Variants in CSNK2A2IP observed in about 807,000 individuals in gnomAD.
CSNK2A2IP encodes the protein casein kinase 2 subunit alpha' interacting protein, also known as casein kinase II subunit alpha'-interacting protein.
chr3:88,395,836 T>G, the CSNK2A2IP span, among the ~76,000 whole-genome samples: 2 of 152,220 alleles, frequency 1.3e-5, no homozygotes, highest in African/African-American at 4.8e-5. Flanking sequence ...AGTATACTCC[T>G]GTTTCACATT....
At chr3:88,457,250 G>C in the CSNK2A2IP span, among the ~76,000 whole-genome samples, 1 of 151,968 alleles carries the variant, frequency 6.6e-6, no homozygotes, top group Admixed American at 6.6e-5. Context: ...GTCAAATTTG[G>C]TCTTGTCTGG....
At chr3:88,397,884 C>T in the CSNK2A2IP span, among the ~76,000 whole-genome samples, 1 of 151,926 alleles carries the variant, frequency 6.6e-6, no homozygotes, top group Admixed American at 6.5e-5. Flanking sequence ...TGTTCATTCC[C>T]CTTCTAGGTG....
At chr3:88,437,527 A>G in the CSNK2A2IP span, among the ~76,000 whole-genome samples, 1 of 152,208 alleles carries the variant, frequency 6.6e-6, no homozygotes, top group Non-Finnish European at 1.5e-5. Context: ...ATATTATTGT[A>G]AAACTATTCT....
At chr3:88,414,285 T>A in the CSNK2A2IP span, among the ~76,000 whole-genome samples, 1 of 125,728 alleles carries the variant, frequency 8.0e-6, no homozygotes, top group Non-Finnish European at 1.7e-5. Context: ...TTTTTTTTTT[T>A]TTTTTTTTTT....
chr3:88,436,646 T>C, the CSNK2A2IP span, among the ~76,000 whole-genome samples: 1 of 152,136 alleles, frequency 6.6e-6, no homozygotes, highest in Non-Finnish European at 1.5e-5. Context: ...AAAGCAGCAC[T>C]GGACTGTTTG....
the CSNK2A2IP span, among the ~76,000 whole-genome samples, chr3:88,458,141 GTTTTTTTTTTTTTTT>G: frequency 1.2e-5 from 1 of 83,304 alleles, no homozygotes; most frequent in East Asian, 3.0e-4. Context: ...TGTAATTGTG[GTTTTTTTTTTTTTTT>G]TTTTTTTTTT....
chr3:88,441,721 T>G, the CSNK2A2IP span, among the ~76,000 whole-genome samples: 1 of 152,180 alleles, frequency 6.6e-6, no homozygotes, highest in Non-Finnish European at 1.5e-5. Context: ...ATATAATAGT[T>G]GTGATTTAGA....
the CSNK2A2IP span, among the ~76,000 whole-genome samples, chr3:88,391,344 C>T: frequency 6.6e-6 from 1 of 152,162 alleles, no homozygotes; most frequent in African/African-American, 2.4e-5. Context: ...ATATTAACAA[C>T]CTACTCTGTG....
the CSNK2A2IP span, among the ~76,000 whole-genome samples, chr3:88,370,292 A>G: frequency 6.6e-6 from 1 of 151,906 alleles, no homozygotes; most frequent in Non-Finnish European, 1.5e-5. Context: ...TTTAAAAGGA[A>G]AAATTAGAAA....
At chr3:88,466,450 A>G in the CSNK2A2IP span, 1 of 1,231,958 alleles carries the variant, frequency 8.1e-7, no homozygotes, top group Non-Finnish European at 1.0e-6. Flanking sequence ...ACCCCATCCA[A>G]AAACAAACAT....
At chr3:88,356,808 A>G in the CSNK2A2IP span, among the ~76,000 whole-genome samples, 4 of 152,062 alleles carry the variant, frequency 2.6e-5, no homozygotes, top group African/African-American at 4.8e-5. Context: ...GGGCTGACAT[A>G]ATATTTCATT....
At chr3:88,465,147 C>T in the CSNK2A2IP span, 4 of 387,722 alleles carry the variant, frequency 1.0e-5, no homozygotes, top group South Asian at 1.4e-4. Context: ...AAGATAATCT[C>T]AAATGGTGAC....
At chr3:88,339,780 T>C in the CSNK2A2IP span, among the ~76,000 whole-genome samples, 1 of 152,102 alleles carries the variant, frequency 6.6e-6, no homozygotes, top group Non-Finnish European at 1.5e-5. Context: ...GCAAACCATA[T>C]AATTTTTGTG....
chr3:88,390,607 T>G, the CSNK2A2IP span, among the ~76,000 whole-genome samples: 3 of 152,230 alleles, frequency 2.0e-5, no homozygotes, highest in Non-Finnish European at 4.4e-5. Flanking sequence ...TTTCTTAATT[T>G]CACTCTAATT....
At chr3:88,452,993 T>TA in the CSNK2A2IP span, among the ~76,000 whole-genome samples, 1 of 152,114 alleles carries the variant, frequency 6.6e-6, no homozygotes, top group African/African-American at 2.4e-5. Flanking sequence ...ATCTGAGAGA[T>TA]ATTCTTGTGG....
the CSNK2A2IP span, among the ~76,000 whole-genome samples, chr3:88,379,688 T>A: frequency 6.6e-6 from 1 of 151,932 alleles, no homozygotes; most frequent in Non-Finnish European, 1.5e-5. Context: ...GGGGAAAAGG[T>A]CATATGTGAG....
chr3:88,413,066 T>C, the CSNK2A2IP span, among the ~76,000 whole-genome samples: 1 of 152,036 alleles, frequency 6.6e-6, no homozygotes, highest in African/African-American at 2.4e-5. Flanking sequence ...AGTTTTTTAT[T>C]TTTTCCAGTG....
the CSNK2A2IP span, among the ~76,000 whole-genome samples, chr3:88,358,692 T>G: frequency 1.6e-4 from 25 of 152,332 alleles, no homozygotes; most frequent in East Asian, 4.4e-3. Flanking sequence ...TGAATCCCAC[T>G]TGATGATAAT....
At chr3:88,397,390 A>G in the CSNK2A2IP span, among the ~76,000 whole-genome samples, 1 of 152,158 alleles carries the variant, frequency 6.6e-6, no homozygotes, top group Non-Finnish European at 1.5e-5. Flanking sequence ...TGCACTTGTA[A>G]CATTATTCAT....
Sources: allele counts gnomAD v4.1 joint callset (sites outside exome capture counted in the v4.1 genomes callset), GRCh38; gene constraint gnomAD v4.1.1; transcripts MANE v1.5; gene names NCBI Gene and HGNC (gene_info 2026-07-23, HGNC 2026-07-21).